The following SYNE1 variants were observed in gnomAD, a reference collection of about 807,000 sequenced individuals.
SYNE1 encodes the protein spectrin repeat containing nuclear envelope protein 1.
A neutral mutation model predicts 1,111.0 loss-of-function variants in SYNE1; 616 were observed. The ratio of observed to expected loss-of-function variants is 0.55; its 90% CI spans 0.52 to 0.59. The LOEUF (loss-of-function observed/expected upper bound fraction) is 0.59. SYNE1 is among the 20% of genes least tolerant of loss of function. The pLI is 0.00. For missense variants in SYNE1, 10,006 were observed against 10,417.0 expected (o/e 0.96, Z 1.72); for synonymous variants, 3,855 against 3,825.8 (o/e 1.01, Z -0.28).
intron 25 of SYNE1, 158 bp downstream of exon 25, chr6:152,453,428 G>A: frequency 2.1e-6 from 2 of 938,070 alleles, no homozygotes; most frequent in East Asian, 2.4e-5. Context: ...TATATTATCA[G>A]GTTTTATTTA....
At chr6:152,280,437 T>A (rs1434430683) in intron 97 of SYNE1, among the ~76,000 whole-genome samples, 1 of 152,140 alleles carries the variant, frequency 6.6e-6, no homozygotes, top group Non-Finnish European at 1.5e-5. Context: ...ATTTTTTTTT[T>A]GTAATTTTTT....
intron 34 of SYNE1, among the ~76,000 whole-genome samples, chr6:152,431,044 C>T (rs1452392263): frequency 5.9e-5 from 9 of 152,066 alleles, no homozygotes; most frequent in Non-Finnish European, 8.8e-5. Context: ...ATGAATTAGG[C>T]GTTTTAATTA....
chr6:152,125,233 G>A (rs2052948239), intron 145 of SYNE1: 1 of 1,547,608 alleles, frequency 6.5e-7, no homozygotes. Context: ...AGGAATAATG[G>A]TAATGGTAAT....
At chr6:152,317,608 C>T (rs1023808956) in intron 86 of SYNE1, among the ~76,000 whole-genome samples, 3 of 152,170 alleles carry the variant, frequency 2.0e-5, no homozygotes, top group Non-Finnish European at 2.9e-5. Context: ...TAATGGGTTA[C>T]CAACTCCTGG....
At chr6:152,467,377 A>G (rs2098776921) in intron 16 of SYNE1, among the ~76,000 whole-genome samples, 1 of 152,158 alleles carries the variant, frequency 6.6e-6, no homozygotes, top group South Asian at 2.1e-4. Flanking sequence ...ATTTAACTAA[A>G]CAAGCAATTC....
chr6:152,427,622 A>AT, intron 38 of SYNE1, 71 bp downstream of exon 38: 1 of 1,559,288 alleles, frequency 6.4e-7, no homozygotes, highest in East Asian at 2.3e-5. Context: ...TATTTATTTT[A>AT]TTATTTTAAA....
chr6:152,556,395 G>A (rs2099365095), intron 3 of SYNE1, among the ~76,000 whole-genome samples: 1 of 152,160 alleles, frequency 6.6e-6, no homozygotes, highest in Admixed American at 6.5e-5. Flanking sequence ...TTGCCCCAGT[G>A]AACTCTAGTG....
chr6:152,201,968 C>T lies in SYNE1; in HGVS notation c.23020-19G>A, dbSNP rs1256349047. On this transcript the variant is annotated intron_variant, in intron 126 of 145. Coordinates refer to ENST00000367255, the MANE Select transcript of SYNE1 (RefSeq NM_182961.4). ...CCCAGTCCTATCATGGGAATAAAAA[C>T]AAATAGCATAGATGTTTTTGATGTA... 6.2e-7 allele frequency: 1 copy of T among 1,613,412 alleles called. No homozygotes were observed. The highest frequency in any genetic ancestry group is 2.2e-5 in the East Asian group (1 of 44,858).
intron 2 of SYNE1, among the ~76,000 whole-genome samples, chr6:152,633,327 G>A (rs1354708658): frequency 6.6e-6 from 1 of 152,180 alleles, no homozygotes; most frequent in East Asian, 1.9e-4. Context: ...AGAAAGGTAA[G>A]ATTCCTGTAT....
intron 145 of SYNE1, 71 bp from the exon 146 acceptor site, chr6:152,122,747 A>G: frequency 6.2e-7 from 1 of 1,604,832 alleles, no homozygotes; most frequent in Non-Finnish European, 8.5e-7. Context: ...TTGCCTCTGC[A>G]CCTTCCTGGA....
intron 101 of SYNE1, among the ~76,000 whole-genome samples, chr6:152,259,666 C>G (rs1054395126): frequency 6.6e-6 from 1 of 152,086 alleles, no homozygotes; most frequent in African/African-American, 2.4e-5. Context: ...CTCACCACAA[C>G]GTTGTTAGCG....
In SYNE1 at chr6:152,447,588, G is replaced by T. The variant is rs368629865; in HGVS notation, c.3539C>A (p.Thr1180Asn). Residue 1180 changes from threonine (T) to asparagine (N), a missense_variant, in exon 29 of 146, where the codon ACC becomes AAC. Coordinates refer to ENST00000367255, the MANE Select transcript of SYNE1 (RefSeq NM_182961.4). ...IRNGVTKRGETLSWLKSRLKV... is the reference protein window; with the variant it reads ...IRNGVTKRGENLSWLKSRLKV... Reference sequence around the variant, plus strand: ...CAGCCTGGATTTCAGCCAGCTGAGGGTCTCACCCCTTTTGGTAACACCATT... The same window carrying T: ...CAGCCTGGATTTCAGCCAGCTGAGGTTCTCACCCCTTTTGGTAACACCATT... 7.4e-6 allele frequency: 12 copies of T among 1,614,062 alleles called. No individual in the cohort carries two copies. Among genetic ancestry groups the T allele is most frequent in the Non-Finnish European group, 8.5e-6 (10 of 1,180,042 alleles).
intron 18 of SYNE1, among the ~76,000 whole-genome samples, chr6:152,463,929 G>T (rs2098749399): frequency 6.6e-6 from 1 of 152,202 alleles, no homozygotes; most frequent in South Asian, 2.1e-4. Flanking sequence ...TAAATTGATG[G>T]GGTATGAGTA....
At chr6:152,167,521 C>A (rs1002341322) in intron 130 of SYNE1, among the ~76,000 whole-genome samples, 1 of 152,144 alleles carries the variant, frequency 6.6e-6, no homozygotes, top group African/African-American at 2.4e-5. Context: ...TAAACATTTG[C>A]ATAATGCACT....
At position 152,526,136 on chromosome 6, in the gene SYNE1, T is replaced by C. The variant is rs1031712545; in HGVS notation, c.169A>G (p.Met57Val). 5 of 1,614,032 alleles carry C rather than the reference T, an allele frequency of 3.1e-6. No homozygotes were observed. Among genetic ancestry groups the C allele is most frequent in the Non-Finnish European group, 4.2e-6 (5 of 1,180,006 alleles). The change falls in exon 5 of 146, where the codon ATG (methionine) becomes GTG (valine). Residue 57 changes from methionine (M) to valine (V), a missense_variant. By Grantham distance (21) the Met-to-Val change is conservative. Coordinates refer to ENST00000367255, the MANE Select transcript of SYNE1 (RefSeq NM_182961.4). Reference protein sequence around the residue: ...PMVVDDLFEDMKDGVKLLALL... With the variant: ...PMVVDDLFEDVKDGVKLLALL... The stretch of plus-strand genomic sequence containing the variant: ...GCAAGCAGTTTAACACCATCTTTCA[T>C]GTCTTCAAAAAGATCGTCCACCACC...
At chr6:152,191,147 T>C (rs1016330767) in intron 127 of SYNE1, among the ~76,000 whole-genome samples, 5 of 152,236 alleles carry the variant, frequency 3.3e-5, no homozygotes, top group African/African-American at 1.2e-4. Context: ...AATGATCTTT[T>C]TAATGCACAG....
At position 152,242,378 on chromosome 6, in the gene SYNE1, A is replaced by G; in HGVS notation, c.19755T>C (p.Leu6585=). Residue 6585 remains leucine, a synonymous_variant, in exon 107 of 146, where the codon CTT becomes CTC. Coordinates refer to ENST00000367255, the MANE Select transcript of SYNE1 (RefSeq NM_182961.4). ...CCCTCTCATACTGACTCTTGAGTGT[A>G]AGGTTCTGATTCAGACCACTCCTCC... ...GSRRSGLNQN[L]TLKSQYERAL... 1 of 1,614,066 alleles carries G rather than the reference A, an allele frequency of 6.2e-7. No individual in the cohort carries two copies. Among genetic ancestry groups the G allele is most frequent in the Non-Finnish European group, 8.5e-7 (1 of 1,179,992 alleles).
At chr6:152,517,453 C>T (rs1367338132) in intron 6 of SYNE1, among the ~76,000 whole-genome samples, 1 of 152,190 alleles carries the variant, frequency 6.6e-6, no homozygotes, top group Non-Finnish European at 1.5e-5. Flanking sequence ...TGTGCATTTA[C>T]CTTTTGACTT....
chr6:152,139,206 T>G (rs542075010), intron 140 of SYNE1, among the ~76,000 whole-genome samples: 1 of 152,298 alleles, frequency 6.6e-6, no homozygotes, highest in Admixed American at 6.5e-5. Context: ...AAAATATCAA[T>G]TCATTAAATC....
Sources: allele counts gnomAD v4.1 joint callset (sites outside exome capture counted in the v4.1 genomes callset), GRCh38; gene constraint gnomAD v4.1.1; transcripts MANE v1.5; gene names NCBI Gene and HGNC (gene_info 2026-07-23, HGNC 2026-07-21).